Variants in ZNF202 observed in about 807,000 individuals in gnomAD.
ZNF202 encodes zinc finger protein with KRAB and SCAN domains 10.
In ZNF202, 22 loss-of-function variants were observed where a neutral mutation model predicts 54.5. The observed-to-expected ratio is 0.40, with a 90% CI of 0.29 to 0.58. The LOEUF is 0.58. Ranked by LOEUF, ZNF202 falls within the 20% of genes least tolerant of loss-of-function variation. The pLI is 0.39. For missense variants in ZNF202, 644 were observed against 805.5 expected, an observed-to-expected ratio of 0.80 and a Z score of 2.43; for synonymous variants, 294 against 301.4, an observed-to-expected ratio of 0.98 and a Z score of 0.26.
rs554542094 is a variant in ZNF202, at chr11:123,733,669, A to T, written c.-97-2684T>A. Among the ~76,000 whole-genome samples the T allele has an allele frequency of 3.9e-5, 6 of 152,228 alleles. No homozygotes were observed. The East Asian group carries it at 1.2e-3, about 29-fold the overall frequency. On this transcript the variant is annotated intron_variant, in intron 3 of 8. Coordinates refer to ENST00000530393, the MANE Select transcript of ZNF202 (RefSeq NM_003455.4). ...ATCTCCTGGCCTCAAGTGATTTTCC[A>T]ACCTTGGCCTCCCAAAGCACTGTTA...
chr11:123,731,009 C>CG, intron 3 of ZNF202, 24 bp from the exon 4 acceptor site: 1 of 1,201,646 alleles, frequency 8.3e-7, no homozygotes, highest in Admixed American at 2.5e-5. Flanking sequence ...TAAAGACAAA[C>CG]AAGAGTATAA....
At chr11:123,740,874 A>T (rs1861832561) in intron 1 of ZNF202, among the ~76,000 whole-genome samples, 1 of 152,254 alleles carries the variant, frequency 6.6e-6, no homozygotes, top group Non-Finnish European at 1.5e-5. Flanking sequence ...GAGGTGCCAA[A>T]ACTGGCTGTT....
Position 123,728,677 on chromosome 11 carries a change from C to T in ZNF202, c.703-415G>A, listed in dbSNP as rs951844699. ...AAGACTTTTTTCCTCAGTTAGATTA[C>T]AATCTAAAACCATACATGAATTCTA... is the stretch of plus-strand genomic sequence containing the variant. On this transcript the variant is annotated intron_variant, in intron 6 of 8. Transcript: ENST00000530393. Among the ~76,000 whole-genome samples, 4 of 152,248 alleles carry T rather than the reference C, an allele frequency of 2.6e-5. 1 individual carries two copies. The highest frequency in any genetic ancestry group is 6.8e-3 in the Middle Eastern group (2 of 294).
At chr11:123,729,507 A>G in intron 5 of ZNF202, 108 bp downstream of exon 5, 1 of 1,300,414 alleles carries the variant, frequency 7.7e-7, no homozygotes, top group Non-Finnish European at 1.0e-6. Flanking sequence ...ATGTCTTTCC[A>G]TACAGTCTAT....
rs768709909 is a variant in ZNF202 at position 123,726,827 on chromosome 11, T to C, written c.1117A>G (p.Asn373Asp). The C allele has an allele frequency of 1.9e-6, 3 of 1,614,214 alleles. No homozygotes were observed. In the East Asian group the frequency reaches 6.7e-5, roughly 36 times the overall value. The change falls in exon 9 of 9, where the codon AAT (asparagine) becomes GAT (aspartate). Residue 373 changes from asparagine (N) to aspartate (D), a missense_variant. Physicochemically the swap from Asn to Asp is conservative, Grantham distance 23. Transcript: ENST00000530393. This position sits in a 1 kb window ranked among gnomAD's most constrained non-coding sequence, Gnocchi z 6.0. ...GRLNERRFGT[N>D]ISQVNSFVNL... ...ACAAAACTATTCACTTGAGAAATAT[T>C]AGTACCAAATCTTCTTTCATTAAGT...
At chr11:123,727,058 A>G in intron 8 of ZNF202, 67 bp from the exon 9 acceptor site, 1 of 1,525,284 alleles carries the variant, frequency 6.6e-7, no homozygotes, top group South Asian at 1.3e-5. Flanking sequence ...CACAATGGGG[A>G]GATTTTTACA....
chr11:123,727,300 G>A (rs1272324939), intron 8 of ZNF202, among the ~76,000 whole-genome samples, 176 bp downstream of exon 8: 1 of 152,166 alleles, frequency 6.6e-6, no homozygotes, highest in Non-Finnish European at 1.5e-5. Context: ...TCAGACAAAT[G>A]ATGGGAGGAG....
At position 123,726,631 on chromosome 11, in the gene ZNF202, G is replaced by A. The variant is rs1237761058; in HGVS notation, c.1313C>T (p.Ser438Leu). ...AACCTTTTGGTGCCTGGCAAGATGT[G>A]AGCTTCGTGTGTAACTTTTTCCACA... ...MECGKSYTRS[S>L]HLARHQKVHK... The change falls in exon 9 of 9, where the codon TCA becomes TTA. Residue 438 changes from serine (S) to leucine (L), a missense_variant. Around this residue, in one of 3 missense-constraint regions of ZNF202, gnomAD observed 536 missense variants for 635.3 expected, o/e 0.84. Coordinates refer to ENST00000530393, the MANE Select transcript of ZNF202 (RefSeq NM_003455.4). This position sits in a 1 kb window ranked among gnomAD's most constrained non-coding sequence, Gnocchi z 6.0. 3 of 1,614,060 alleles carry A rather than the reference G, an allele frequency of 1.9e-6. No homozygotes were observed. Among genetic ancestry groups the A allele is most frequent in the South Asian group, 1.1e-5 (1 of 91,076 alleles).
intron 3 of ZNF202, among the ~76,000 whole-genome samples, chr11:123,733,145 T>C (rs947831260): frequency 6.6e-6 from 1 of 152,218 alleles, no homozygotes. Context: ...CTTTTTGTGC[T>C]ATACTACAGT....
chr11:123,736,813 A>G (rs1861652855), intron 3 of ZNF202, among the ~76,000 whole-genome samples: 1 of 152,206 alleles, frequency 6.6e-6, no homozygotes, highest in South Asian at 2.1e-4. Flanking sequence ...GGTTGTTTTA[A>G]GGAGTAAATG....
intron 3 of ZNF202, among the ~76,000 whole-genome samples, chr11:123,733,955 C>A (rs1861520269): frequency 6.6e-6 from 1 of 152,162 alleles, no homozygotes; most frequent in Admixed American, 6.5e-5. Flanking sequence ...GTTGGAGTAC[C>A]AGTATTAAAA....
Position 123,730,563 on chromosome 11 carries a change from T to C in ZNF202, c.326A>G (p.Gln109Arg), listed in dbSNP as rs1239152950. Reference sequence around the variant, plus strand: ...TGCCTCCTCGCCACTTTCTGGCCGTTGGCCCCGCACCCAGCTCTGTAGTTC... The same window carrying C: ...TGCCTCCTCGCCACTTTCTGGCCGTCGGCCCCGCACCCAGCTCTGTAGTTC... Reference protein sequence around the residue: ...PGELQSWVRGQRPESGEEAVT... With the variant: ...PGELQSWVRGRRPESGEEAVT... The change falls in exon 4 of 9, where the codon CAA (glutamine) becomes CGA (arginine). Residue 109 changes from glutamine (Q) to arginine (R), a missense_variant. Physicochemically the swap from Gln to Arg is conservative, Grantham distance 43. Transcript: ENST00000530393. The surrounding 1 kb of genome is among the most constrained non-coding windows in gnomAD (Gnocchi z 6.0). The C allele has an allele frequency of 1.9e-6, 3 of 1,587,780 alleles. No homozygotes were observed. The highest frequency in any genetic ancestry group is 1.2e-5 in the South Asian group (1 of 86,098).
At position 123,736,375 on chromosome 11, in the gene ZNF202, T is replaced by A. The variant is rs564010610; in HGVS notation, c.-98+3742A>T. Among the ~76,000 whole-genome samples the A allele has an allele frequency of 2.0e-5, 3 of 152,354 alleles. No homozygotes were observed. The South Asian group carries it at 6.2e-4, about 32-fold the overall frequency. ...AGTGATTAGAACTGAAATTATTATA[T>A]TTAGCAGATATTTATATCCCTTCCA... On this transcript the variant is annotated intron_variant, in intron 3 of 8. Coordinates refer to ENST00000530393, the MANE Select transcript of ZNF202 (RefSeq NM_003455.4).
At chr11:123,731,111 C>A (rs550381128) in intron 3 of ZNF202, 126 bp from the exon 4 acceptor site, 140 of 483,640 alleles carry the variant, frequency 2.9e-4, no homozygotes, top group Middle Eastern at 2.2e-3. Context: ...TTTCCCCAAC[C>A]ACCATAGCCA....
intron 3 of ZNF202, chr11:123,739,343 C>CA (rs1330522948): frequency 1.3e-5 from 2 of 152,084 alleles, no homozygotes; most frequent in Admixed American, 1.3e-4. Context: ...GGATGGAGTT[C>CA]AATACACAAA....
At chr11:123,737,817 G>A (rs991303810) in intron 3 of ZNF202, among the ~76,000 whole-genome samples, 3 of 152,196 alleles carry the variant, frequency 2.0e-5, no homozygotes, top group Non-Finnish European at 4.4e-5. Context: ...TCTTGGACAA[G>A]TCACGGCAGC....
intron 3 of ZNF202, among the ~76,000 whole-genome samples, chr11:123,731,897 G>A (rs925202202): frequency 6.6e-6 from 1 of 152,050 alleles, no homozygotes; most frequent in Non-Finnish European, 1.5e-5. Context: ...GGAATGACAC[G>A]AAGCTCTTTA....
intron 3 of ZNF202, among the ~76,000 whole-genome samples, chr11:123,737,413 T>A (rs555666925): frequency 6.6e-6 from 1 of 152,074 alleles, no homozygotes; most frequent in East Asian, 1.9e-4. Flanking sequence ...TTCATAAAAG[T>A]GATATTTGAG....
intron 3 of ZNF202, among the ~76,000 whole-genome samples, chr11:123,736,602 T>C (rs759187184): frequency 2.0e-5 from 3 of 152,210 alleles, no homozygotes; most frequent in Non-Finnish European, 2.9e-5. Context: ...ACAATCCTTC[T>C]AATGGACATA....
Sources: gnomAD v4.1 joint callset for allele counts (sites outside exome capture counted in the v4.1 genomes callset) on GRCh38, gnomAD v4.1.1 for gene constraint, gnomAD v4.1.1 regional missense constraint, Gnocchi (gnomAD v3.1) non-coding constraint, MANE v1.5 for transcripts, NCBI Gene and HGNC (gene_info 2026-07-23, HGNC 2026-07-21) for gene names.